Variants in RNF17 observed in about 807,000 individuals in gnomAD.
RNF17 encodes the protein spermatogenesis associated 23.
RNF17 carries 31 observed loss-of-function variants against 200.5 expected under a neutral mutation model. The observed-to-expected ratio is 0.15, with a 90% CI of 0.12 to 0.21. RNF17 has a LOEUF of 0.21. Ranked by LOEUF, RNF17 falls within the 10% of genes least tolerant of loss-of-function variation. The pLI, the probability that RNF17 is intolerant of heterozygous loss-of-function variation, is 1.00. For missense variants in RNF17, 1,628 were observed against 1,905.1 expected, an observed-to-expected ratio of 0.85 and a Z score of 2.71; for synonymous variants, 606 against 637.8, an observed-to-expected ratio of 0.95 and a Z score of 0.75.
chr13:24,871,632 C>CA, intron 32 of RNF17, among the ~76,000 whole-genome samples: 1 of 98,040 alleles, frequency 1.0e-5, no homozygotes, highest in Non-Finnish European at 2.1e-5. Flanking sequence ...ACTTGCCCAG[C>CA]CTTTTTTTTT....
At chr13:24,847,561 G>T (rs901091302) in intron 22 of RNF17, among the ~76,000 whole-genome samples, 2 of 152,114 alleles carry the variant, frequency 1.3e-5, no homozygotes, top group African/African-American at 4.8e-5. Flanking sequence ...GGCTAGGCTG[G>T]TCTCAAATTC....
intron 24 of RNF17, among the ~76,000 whole-genome samples, 170 bp downstream of exon 24, chr13:24,851,741 T>C (rs536614137): frequency 2.6e-5 from 4 of 152,314 alleles, no homozygotes; most frequent in African/African-American, 9.6e-5. Context: ...GAATTGCTCA[T>C]TTCATTTTTC....
chr13:24,855,193 A>G (rs753927510), intron 25 of RNF17, among the ~76,000 whole-genome samples: 1 of 152,088 alleles, frequency 6.6e-6, no homozygotes, highest in Non-Finnish European at 1.5e-5. Context: ...ATGAATGATT[A>G]TGTCTCGGTA....
At chr13:24,762,971 A>G (rs1012987361), upstream of RNF17, among the ~76,000 whole-genome samples, 3 of 152,190 alleles carry the variant, frequency 2.0e-5, no homozygotes, top group Non-Finnish European at 4.4e-5. Context: ...TAAATTCTCA[A>G]GAAGTCACTG....
downstream of RNF17, among the ~76,000 whole-genome samples, chr13:24,881,589 T>TATAG (rs531458974): frequency 6.6e-5 from 10 of 151,844 alleles, no homozygotes; most frequent in South Asian, 2.1e-3. Flanking sequence ...GGTAAGGATA[T>TATAG]ATAGATATAT....
rs1566140079 is a variant in RNF17, at chr13:24,793,059, A to G, written c.953A>G (p.Asn318Ser). The change falls in exon 10 of 36, where the codon AAT (asparagine) becomes AGT (serine). Residue 318 changes from asparagine to serine, a missense_variant. By Grantham distance (46) the Asn-to-Ser change is conservative. Transcript: ENST00000255324. ...TTAAACAGATGTTATCCCCAAGAAA[A>G]TGAAATTAGACAGAATGTTCAAAAG... ...RDSTKCYPQE[N>S]EIRQNVQKKY... 1 of 1,577,758 alleles carries G rather than the reference A, an allele frequency of 6.3e-7. No individual in the cohort carries two copies. Among genetic ancestry groups the G allele is most frequent in the Non-Finnish European group, 8.6e-7 (1 of 1,160,260 alleles).
chr13:24,870,631 G>C lies in RNF17; in HGVS notation c.4339G>C (p.Asp1447His). The change falls in exon 32 of 36, where the codon GAT (aspartate) becomes CAT (histidine). Residue 1447 changes from aspartate (D) to histidine (H), a missense_variant. Asp to His is a moderately conservative substitution (Grantham distance 81). Transcript: ENST00000255324. ...CCAGTCTAACCAGCATAGTGACACA[G>C]ATGATAGTGGAGTCAGCGGGGAATC... ...SNQSNQHSDT[D>H]DSGVSGESES... 4 of 1,614,116 alleles carry C rather than the reference G, an allele frequency of 2.5e-6. No individual in the cohort carries two copies. The highest frequency in any genetic ancestry group is 1.6e-4 in the Middle Eastern group (1 of 6,062).
intron 30 of RNF17, among the ~76,000 whole-genome samples, chr13:24,866,560 T>C (rs1893643662): frequency 6.6e-6 from 1 of 152,228 alleles, no homozygotes; most frequent in Non-Finnish European, 1.5e-5. Context: ...GCTTTTCACT[T>C]AGCATAACAT....
the RNF17 span, among the ~76,000 whole-genome samples, chr13:24,750,191 A>G: frequency 1.2e-4 from 19 of 152,338 alleles, no homozygotes. Flanking sequence ...TAAAAACTAC[A>G]TAATTTATAA....
chr13:24,835,435 C>G (rs1202303315), intron 18 of RNF17, among the ~76,000 whole-genome samples: 1 of 152,144 alleles, frequency 6.6e-6, no homozygotes, highest in Non-Finnish European at 1.5e-5. Flanking sequence ...CCATCGCCAC[C>G]TCGATGGGAA....
chr13:24,831,764 A>T, intron 17 of RNF17, 94 bp from the exon 18 acceptor site: 11 of 1,079,108 alleles, frequency 1.0e-5, no homozygotes, highest in Non-Finnish European at 1.4e-5. Context: ...ATTCAAACAT[A>T]AAGATTAGTT....
rs574656328 is a variant in RNF17, at chr13:24,789,363, C to A, written c.799C>A (p.Gln267Lys). The change falls in exon 8 of 36, where the codon CAG (glutamine) becomes AAG (lysine). Residue 267 changes from glutamine to lysine, a missense_variant. Coordinates refer to ENST00000255324, the MANE Select transcript of RNF17 (RefSeq NM_031277.3). ...CDLNQIIRTL[Q>K]LTSDSELAQV... ...TAAATTCTAGATTATCCGGACTTTG[C>A]AGTTAACTTCAGATAGTGAATTAGC... 3.1e-6 allele frequency: 5 copies of A among 1,597,002 alleles called. No individual in the cohort carries two copies. In the African/African-American group the frequency reaches 6.7e-5, roughly 21 times the overall value.
chr13:24,811,534 T>C (rs1414476942), intron 15 of RNF17, among the ~76,000 whole-genome samples: 7 of 151,954 alleles, frequency 4.6e-5, no homozygotes, highest in Admixed American at 4.6e-4. Context: ...ATTCTAGTTA[T>C]ACATTCTTCT....
chr13:24,782,917 G>A (rs1170876129), intron 6 of RNF17, among the ~76,000 whole-genome samples: 1 of 152,042 alleles, frequency 6.6e-6, no homozygotes, highest in East Asian at 1.9e-4. Context: ...ATGAAGTCCA[G>A]TTTATTGTTT....
At chr13:24,764,100 C>T (rs1735232456), upstream of RNF17, 3 of 1,130,488 alleles carry the variant, frequency 2.7e-6, no homozygotes, top group Admixed American at 2.2e-5. Context: ...ATCTCCCGGC[C>T]CACTGTTTGG....
rs1566117942 is a variant in RNF17, at chr13:24,774,815, T to C, written c.228T>C (p.Val76=). ...CTTIICPDCE[V]ATAVNTRQRY... ...TTTAAACCTTATTTTGTCCTAAGGT[T>C]GCTACAGCTGTAAATACTAGACAAC... Residue 76 remains valine (V), a splice_region_variant and synonymous_variant, in exon 3 of 36, where the codon GTT becomes GTC. Coordinates refer to ENST00000255324, the MANE Select transcript of RNF17 (RefSeq NM_031277.3). 1.2e-6 allele frequency: 2 copies of C among 1,603,178 alleles called. No homozygotes were observed. Among genetic ancestry groups the C allele is most frequent in the East Asian group, 4.5e-5 (2 of 44,724 alleles).
chr13:24,748,016 G>C, the RNF17 span, among the ~76,000 whole-genome samples: 2 of 152,240 alleles, frequency 1.3e-5, no homozygotes, highest in Admixed American at 1.3e-4. Flanking sequence ...GGGGCTGCTG[G>C]ACTTCCCTCC....
chr13:24,854,217 C>G (rs1566230163), intron 25 of RNF17, 73 bp downstream of exon 25: 1 of 1,141,110 alleles, frequency 8.8e-7, no homozygotes, highest in Non-Finnish European at 1.3e-6. Flanking sequence ...TTTGGGCAAC[C>G]TCTTTGAACG....
rs1891658874 is a variant in RNF17, at chr13:24,849,780, A to G, written c.3102-561A>G. Among the ~76,000 whole-genome samples the G allele has an allele frequency of 2.0e-5, 3 of 152,378 alleles. No individual in the cohort carries two copies. The South Asian group carries it at 6.2e-4, about 32-fold the overall frequency. ...TGTAAAAAATTTTGTTGAATCAGTA[A>G]TTAAAATTTCTGGTATTTCTATTAT... is the stretch of plus-strand genomic sequence containing the variant. On this transcript the variant is annotated intron_variant, in intron 22 of 35. Transcript: ENST00000255324.
Sources: allele counts gnomAD v4.1 joint callset (sites outside exome capture counted in the v4.1 genomes callset), GRCh38; gene constraint gnomAD v4.1.1; transcripts MANE v1.5; gene names NCBI Gene and HGNC (gene_info 2026-07-23, HGNC 2026-07-21).